The following GPC6 variants were observed in gnomAD, a reference collection of about 807,000 sequenced individuals.
GPC6 encodes the protein glypican-6.
A neutral mutation model predicts 55.2 loss-of-function variants in GPC6; 14 were observed. The ratio of observed to expected loss-of-function variants is 0.25; its 90% CI spans 0.17 to 0.40. The LOEUF (loss-of-function observed/expected upper bound fraction) is 0.40, where lower values mean the gene tolerates loss of function less well. Among genes scored for constraint, GPC6 ranks in the 10% least tolerant of loss-of-function variants. The probability of loss-of-function intolerance (pLI) is 1.00; values close to 1 mark genes in which losing one functional copy is unlikely to be tolerated. For synonymous variants in GPC6, 278 were observed against 259.6 expected (o/e 1.07, Z -0.68); for missense variants, 641 against 708.5 (o/e 0.90, Z 1.08).
chr13:94,230,825 T>C (rs760643958), intron 4 of GPC6, among the ~76,000 whole-genome samples: 4 of 152,194 alleles, frequency 2.6e-5, no homozygotes, highest in Non-Finnish European at 5.9e-5. Flanking sequence ...ATAGGTAACA[T>C]GTATGAGTGT....
intron 6 of GPC6, among the ~76,000 whole-genome samples, chr13:94,364,485 A>AT (rs1879202945): frequency 6.6e-6 from 1 of 152,192 alleles, no homozygotes; most frequent in Non-Finnish European, 1.5e-5. Flanking sequence ...CCATGGTGAC[A>AT]TTTGTACTCA....
At chr13:94,282,507 A>G (rs970089214) in intron 4 of GPC6, among the ~76,000 whole-genome samples, 1 of 152,146 alleles carries the variant, frequency 6.6e-6, no homozygotes, top group Non-Finnish European at 1.5e-5. Context: ...TACAGTTCAA[A>G]TGAGATTTGG....
At chr13:93,513,736 C>T (rs1881071975) in intron 1 of GPC6, among the ~76,000 whole-genome samples, 1 of 152,288 alleles carries the variant, frequency 6.6e-6, no homozygotes, top group Non-Finnish European at 1.5e-5. Flanking sequence ...GACTAAACCT[C>T]TACTTTATGC....
chr13:93,529,674 G>A (rs950873586), intron 1 of GPC6, among the ~76,000 whole-genome samples: 1 of 151,578 alleles, frequency 6.6e-6, no homozygotes, highest in East Asian at 1.9e-4. Context: ...CCGCCACCAC[G>A]CCCATCTAAT....
intron 2 of GPC6, among the ~76,000 whole-genome samples, chr13:93,665,240 G>C (rs562139943): frequency 6.6e-6 from 1 of 152,150 alleles, no homozygotes; most frequent in Non-Finnish European, 1.5e-5. Flanking sequence ...ATAAGTAATG[G>C]TATATCCATA....
intron 2 of GPC6, among the ~76,000 whole-genome samples, chr13:93,764,818 TAGACAGAGTCTTGCTCTCTTGCCC>T (rs887497940): frequency 7.9e-5 from 12 of 152,130 alleles, no homozygotes; most frequent in Non-Finnish European, 1.5e-4. Flanking sequence ...ATTTATTTTT[TAGACAGAGTCTTGCTCTCTTGCCC>T]AGGCTGGAGT....
chr13:93,934,680 T>A (rs1454987813), intron 3 of GPC6, among the ~76,000 whole-genome samples: 1 of 151,190 alleles, frequency 6.6e-6, no homozygotes, highest in Admixed American at 6.5e-5. Context: ...TCTGAATGTT[T>A]TATATATATT....
chr13:93,661,735 G>C (rs1313261532), intron 2 of GPC6, among the ~76,000 whole-genome samples: 1 of 152,160 alleles, frequency 6.6e-6, no homozygotes, highest in East Asian at 1.9e-4. Flanking sequence ...AATTTTGTGA[G>C]TGGCATAAGA....
At position 93,248,943 on chromosome 13, in the gene GPC6, A is replaced by G. The variant is rs536023321; in HGVS notation, c.160+21327A>G. Among the ~76,000 whole-genome samples the G allele has an allele frequency of 4.6e-5, 7 of 152,302 alleles. No individual in the cohort carries two copies. The East Asian group carries it at 1.4e-3, about 29-fold the overall frequency. On this transcript the variant is annotated intron_variant, in intron 1 of 8. Coordinates refer to ENST00000377047, the MANE Select transcript of GPC6 (RefSeq NM_005708.5). ...ACCTTAAGGTTCTAATGGCCTTTTA[A>G]CAGTGTTTCCAGCTGAGCAGCAGAT... is the stretch of plus-strand genomic sequence containing the variant.
rs747872046 is a variant in GPC6, at chr13:93,362,278, A to T, written c.160+134662A>T. Among the ~76,000 whole-genome samples the T allele has an allele frequency of 4.1e-4, 62 of 152,144 alleles. 1 individual carries two copies. Among genetic ancestry groups the T allele is most frequent in the Admixed American group, 3.9e-4 (6 of 15,268 alleles). On this transcript the variant is annotated intron_variant, in intron 1 of 8. Coordinates refer to ENST00000377047, the MANE Select transcript of GPC6 (RefSeq NM_005708.5). ...TTTCTCAGTTGCCCTGTATTCTTCC[A>T]AGGTCTCTCCAGCATGTTTTGGTTC...
At chr13:93,838,186 T>C (rs540968816) in intron 3 of GPC6, among the ~76,000 whole-genome samples, 12 of 152,294 alleles carry the variant, frequency 7.9e-5, no homozygotes, top group Admixed American at 7.9e-4. Context: ...AATGGCATTG[T>C]CCTTGAGGGA....
intron 2 of GPC6, among the ~76,000 whole-genome samples, chr13:93,664,416 A>G (rs1881049391): frequency 6.6e-6 from 1 of 152,156 alleles, no homozygotes; most frequent in Admixed American, 6.5e-5. Context: ...TAGGTAGACT[A>G]TTATTTTTGG....
At chr13:94,076,960 G>GTTTTTTTT (rs56870429) in intron 4 of GPC6, among the ~76,000 whole-genome samples, 1 of 126,108 alleles carries the variant, frequency 7.9e-6, no homozygotes, top group Non-Finnish European at 1.7e-5. Context: ...TGGTGCTTCT[G>GTTTTTTTT]TTTTTTTTTT....
intron 2 of GPC6, among the ~76,000 whole-genome samples, chr13:93,786,271 A>G (rs987932375): frequency 5.3e-5 from 8 of 152,178 alleles, no homozygotes; most frequent in African/African-American, 1.9e-4. Flanking sequence ...GAACTTCCAG[A>G]CAGTTTGCAT....
intron 4 of GPC6, among the ~76,000 whole-genome samples, chr13:94,092,557 G>A (rs555253779): frequency 9.9e-5 from 15 of 152,010 alleles, no homozygotes; most frequent in Admixed American, 5.2e-4. Context: ...GATTGATTCC[G>A]TCTCTTGGGT....
intron 1 of GPC6, among the ~76,000 whole-genome samples, chr13:93,383,123 T>G (rs148230090): frequency 0.013 from 1,941 of 152,328 alleles, 22 homozygotes; most frequent in Middle Eastern, 0.027. Flanking sequence ...TGAGGAGTGG[T>G]AGACTTTTCC....
chr13:93,714,399 G>A (rs534438231), intron 2 of GPC6, among the ~76,000 whole-genome samples: 2 of 151,872 alleles, frequency 1.3e-5, no homozygotes, highest in Admixed American at 6.6e-5. Flanking sequence ...TCTCACACCA[G>A]TCAGAATGGC....
At chr13:94,045,732 A>G (rs1594692137) in intron 4 of GPC6, among the ~76,000 whole-genome samples, 1 of 147,726 alleles carries the variant, frequency 6.8e-6, no homozygotes, top group African/African-American at 2.5e-5. Flanking sequence ...GGCTTCCAGC[A>G]TTCATGGATT....
At chr13:93,846,370 C>T (rs926791258) in intron 3 of GPC6, among the ~76,000 whole-genome samples, 8 of 152,164 alleles carry the variant, frequency 5.3e-5, no homozygotes, top group African/African-American at 1.7e-4. Context: ...AAACCTAAAG[C>T]AGAATGACAC....
Sources: gnomAD v4.1 joint callset for allele counts (sites outside exome capture counted in the v4.1 genomes callset) on GRCh38, gnomAD v4.1.1 for gene constraint, MANE v1.5 for transcripts, NCBI Gene and HGNC (gene_info 2026-07-23, HGNC 2026-07-21) for gene names.